The following C1orf87 variants were observed in gnomAD, a reference collection of about 807,000 sequenced individuals.
C1orf87 encodes uncharacterized protein C1orf87.
C1orf87 carries 58 observed loss-of-function variants against 60.5 expected under a neutral mutation model. The ratio of observed to expected loss-of-function variants is 0.96; its 90% CI spans 0.78 to 1.19. The LOEUF is 1.19. Ranked by LOEUF, C1orf87 falls within the 50% of genes most tolerant of loss-of-function variation. The pLI is 0.00. For synonymous variants in C1orf87, 236 were observed against 227.4 expected (o/e 1.04, Z -0.34); for missense variants, 673 against 638.6 (o/e 1.05, Z -0.58).
intron 2 of C1orf87, among the ~76,000 whole-genome samples, chr1:60,066,920 C>T (rs999572431): frequency 1.2e-4 from 19 of 152,124 alleles, no homozygotes; most frequent in Admixed American, 3.9e-4. Flanking sequence ...TAAGTGAGAA[C>T]ATGTGGTGTT....
intron 9 of C1orf87, among the ~76,000 whole-genome samples, chr1:60,006,760 T>C (rs1489593180): frequency 6.6e-6 from 1 of 152,106 alleles, no homozygotes; most frequent in Non-Finnish European, 1.5e-5. Context: ...GAGTTCATCA[T>C]ATTTCTTAGA....
At chr1:60,029,659 T>A (rs1645223043) in intron 7 of C1orf87, among the ~76,000 whole-genome samples, 1 of 149,266 alleles carries the variant, frequency 6.7e-6, no homozygotes, top group Non-Finnish European at 1.5e-5. Context: ...TTTTTTTTTT[T>A]AGATGGAGTC....
At chr1:60,073,307 A>G (rs2100341165) in intron 1 of C1orf87, among the ~76,000 whole-genome samples, 1 of 152,350 alleles carries the variant, frequency 6.6e-6, no homozygotes, top group Non-Finnish European at 1.5e-5. Context: ...TCAGAAGTTC[A>G]GTAAATCTGG....
intron 9 of C1orf87, among the ~76,000 whole-genome samples, chr1:60,005,476 T>A (rs1365044185): frequency 6.6e-6 from 1 of 152,120 alleles, no homozygotes; most frequent in Non-Finnish European, 1.5e-5. Flanking sequence ...AAAGTAATGA[T>A]AGCTGCCATT....
At chr1:60,035,346 A>G (rs760606195) in intron 6 of C1orf87, among the ~76,000 whole-genome samples, 68 of 152,218 alleles carry the variant, frequency 4.5e-4, no homozygotes, top group Non-Finnish European at 6.9e-4. Flanking sequence ...CAGGTGTTGT[A>G]TGGAACCCAT....
At chr1:60,042,243 T>G (rs1645330704) in intron 3 of C1orf87, among the ~76,000 whole-genome samples, 1 of 152,166 alleles carries the variant, frequency 6.6e-6, no homozygotes, top group South Asian at 2.1e-4. Context: ...TATTTATTTA[T>G]TTATTTTTGA....
chr1:60,038,165 C>G, intron 5 of C1orf87, 58 bp from the exon 6 acceptor site: 2 of 1,081,956 alleles, frequency 1.8e-6, no homozygotes, highest in Non-Finnish European at 2.6e-6. Context: ...AGGAAAGAGG[C>G]CTGTTGAGAT....
At chr1:60,028,235 C>T (rs1311393667) in intron 7 of C1orf87, among the ~76,000 whole-genome samples, 3 of 152,040 alleles carry the variant, frequency 2.0e-5, no homozygotes, top group Non-Finnish European at 4.4e-5. Context: ...TTTTAAATAT[C>T]AATATTAAGA....
chr1:60,001,590 G>A lies in C1orf87; in HGVS notation c.1193-434C>T, dbSNP rs116747153. Among the ~76,000 whole-genome samples, 666 of 152,054 alleles carry A rather than the reference G, an allele frequency of 4.4e-3. 3 individuals are homozygous for A. The highest frequency in any genetic ancestry group is 0.015 in the African/African-American group (613 of 41,506). ...AGTTATCCAGGCAAAGATGATGATGGTGATGCACACAGAGCAGAGAGTTCC... is the reference window on the plus strand; with the variant it reads ...AGTTATCCAGGCAAAGATGATGATGATGATGCACACAGAGCAGAGAGTTCC... On this transcript the variant is annotated intron_variant, in intron 9 of 11. Transcript: ENST00000371201.
chr1:60,040,135 G>A lies in C1orf87; in HGVS notation c.529C>T (p.Leu177Phe). ...AGTTCTCTTCTGACCAGGGCAAGAA[G>A]AAAAGCGTCTTCATTTGTTGTCCCA... ...PSGTTNEDAFLLALVRRELKS... is the reference protein window; with the variant it reads ...PSGTTNEDAFFLALVRRELKS... Residue 177 changes from leucine (L) to phenylalanine (F), a missense_variant, in exon 5 of 12, where the codon CTT becomes TTT. Coordinates refer to ENST00000371201, the MANE Select transcript of C1orf87 (RefSeq NM_152377.3). 1 of 1,613,954 alleles carries A rather than the reference G, an allele frequency of 6.2e-7. No individual in the cohort carries two copies. Among genetic ancestry groups the A allele is most frequent in the Non-Finnish European group, 8.5e-7 (1 of 1,179,976 alleles).
chr1:60,016,763 G>A (rs768405179), intron 8 of C1orf87, among the ~76,000 whole-genome samples: 101 of 152,158 alleles, frequency 6.6e-4, no homozygotes, highest in Non-Finnish European at 1.2e-3. Context: ...GATCATACCT[G>A]CCCCTGGAGC....
At chr1:59,991,228 A>C (rs1370503546) in intron 11 of C1orf87, among the ~76,000 whole-genome samples, 1 of 152,212 alleles carries the variant, frequency 6.6e-6, no homozygotes, top group Admixed American at 6.5e-5. Context: ...ACACATTCCT[A>C]AACATGCAGG....
intron 2 of C1orf87, among the ~76,000 whole-genome samples, chr1:60,070,145 G>A (rs904871409): frequency 1.3e-5 from 2 of 152,188 alleles, no homozygotes; most frequent in African/African-American, 4.8e-5. Context: ...AAGCCACCCA[G>A]TTTGTGGTAC....
chr1:60,040,544 A>G (rs954836327), intron 4 of C1orf87, among the ~76,000 whole-genome samples: 2 of 152,208 alleles, frequency 1.3e-5, no homozygotes, highest in Non-Finnish European at 2.9e-5. Context: ...ATGCAAATCA[A>G]GGATGGTGTC....
chr1:60,001,162 C>T lies in C1orf87; in HGVS notation c.1193-6G>A. 1 of 1,505,776 alleles carries T rather than the reference C, an allele frequency of 6.6e-7. No homozygotes were observed. The highest frequency in any genetic ancestry group is 8.8e-7 in the Non-Finnish European group (1 of 1,131,148). 93.3% of individuals were successfully genotyped at this position (1,505,776 alleles called of 1,614,324 possible). ...GGCTTTCTTTTCATTCTTCCCTGAA[C>T]AAGAATAAAAAAAAAAAAAGGAAGG... On this transcript the variant is annotated splice_polypyrimidine_tract_variant and splice_region_variant and intron_variant, in intron 9 of 11. Transcript: ENST00000371201.
At chr1:60,021,979 G>T (rs1245884241) in intron 8 of C1orf87, among the ~76,000 whole-genome samples, 1 of 152,230 alleles carries the variant, frequency 6.6e-6, no homozygotes, top group Non-Finnish European at 1.5e-5. Context: ...TCAAAAGATA[G>T]GTGTTAAGGT....
Position 59,999,953 on chromosome 1 carries a change from G to A in C1orf87, c.1272+1124C>T, listed in dbSNP as rs115646887. Reference sequence around the variant, plus strand: ...TGGGACGCCTTCCCCAACAGCGCCAGGCTGGGCAAGAGGTGATTCTTTGTA... The same window carrying A: ...TGGGACGCCTTCCCCAACAGCGCCAAGCTGGGCAAGAGGTGATTCTTTGTA... On this transcript the variant is annotated intron_variant, in intron 10 of 11. Transcript: ENST00000371201. Among the ~76,000 whole-genome samples the A allele has an allele frequency of 6.3e-3, 955 of 152,262 alleles. 10 individuals carry two copies. The highest frequency in any genetic ancestry group is 0.021 in the African/African-American group (884 of 41,548).
intron 7 of C1orf87, among the ~76,000 whole-genome samples, chr1:60,029,963 A>G (rs932603518): frequency 1.3e-5 from 2 of 152,006 alleles, no homozygotes; most frequent in African/African-American, 4.8e-5. Flanking sequence ...TTCTTTGCCA[A>G]ACTTGCCTGT....
rs1553124182 is a variant in C1orf87 at position 59,990,438 on chromosome 1, TA to T, written c.*234del. On this transcript the variant is annotated 3_prime_UTR_variant, in exon 12 of 12. Coordinates refer to ENST00000371201, the MANE Select transcript of C1orf87 (RefSeq NM_152377.3). The stretch of plus-strand genomic sequence containing the variant: ...TATTAAAACAGAAGGAGATTCTAAG[TA>T]GCTGGGTTCTTGCCACATCAAAAGA... 6.3e-4 allele frequency: 204 copies of T among 325,870 alleles called. 2 individuals are homozygous for T. Among genetic ancestry groups the T allele is most frequent in the Non-Finnish European group, 9.6e-4 (174 of 181,142 alleles). The allele number at this position is 325,870 out of a possible 1,614,324, so 20.2% of individuals were successfully genotyped here. A position where few individuals can be genotyped will look rare whatever the true frequency, so the allele number is the denominator to read the frequency against.
Sources: allele counts gnomAD v4.1 joint callset (sites outside exome capture counted in the v4.1 genomes callset), GRCh38; gene constraint gnomAD v4.1.1; transcripts MANE v1.5; gene names NCBI Gene and HGNC (gene_info 2026-07-23, HGNC 2026-07-21).